Variants in UVSSA observed in about 807,000 individuals in gnomAD.
The protein encoded by UVSSA is UV-stimulated scaffold protein A.
UVSSA carries 72 observed loss-of-function variants against 73.9 expected under a neutral mutation model. The observed-to-expected ratio is 0.97, with a 90% confidence interval of 0.81 to 1.19. The LOEUF is 1.19. Ranked by LOEUF, UVSSA falls within the 50% of genes most tolerant of loss-of-function variation. The pLI, the probability that UVSSA is intolerant of heterozygous loss-of-function variation, is 0.00. For missense variants in UVSSA, 1,150 were observed against 965.0 expected (o/e 1.19, Z -2.54); for synonymous variants, 454 against 391.3 (o/e 1.16, Z -1.89).
chr4:1,381,216 T>A (rs1560485208), intron 12 of UVSSA, among the ~76,000 whole-genome samples: 1 of 152,206 alleles, frequency 6.6e-6, no homozygotes, highest in Non-Finnish European at 1.5e-5. Context: ...CACGTGTTCA[T>A]GAGGCCCTGA....
At chr4:1,379,407 C>A (rs1179103710) in intron 10 of UVSSA, among the ~76,000 whole-genome samples, 1 of 152,244 alleles carries the variant, frequency 6.6e-6, no homozygotes, top group Non-Finnish European at 1.5e-5. Context: ...CCAGCCCCCC[C>A]ATCCCATGGC....
intron 8 of UVSSA, among the ~76,000 whole-genome samples, 155 bp downstream of exon 8, chr4:1,366,586 G>T (rs1354513006): frequency 6.6e-6 from 1 of 152,176 alleles, no homozygotes; most frequent in Non-Finnish European, 1.5e-5. Flanking sequence ...GCTCACGGTC[G>T]TAGCCACGAG....
At chr4:1,379,744 G>A (rs116258493) in intron 10 of UVSSA, among the ~76,000 whole-genome samples, 5 of 148,750 alleles carry the variant, frequency 3.4e-5, no homozygotes, top group Non-Finnish European at 7.4e-5. Context: ...GCCCGTGGTC[G>A]CGCGGCTGGT....
At chr4:1,373,344 G>A (rs1718367657) in intron 8 of UVSSA, among the ~76,000 whole-genome samples, 2 of 152,134 alleles carry the variant, frequency 1.3e-5, no homozygotes, top group Admixed American at 6.6e-5. Context: ...ATGTAGGCTG[G>A]GAGGCGAGGC....
intron 10 of UVSSA, among the ~76,000 whole-genome samples, 195 bp downstream of exon 10, chr4:1,376,363 A>G (rs991622301): frequency 6.6e-6 from 1 of 152,170 alleles, no homozygotes; most frequent in African/African-American, 2.4e-5. Flanking sequence ...GAGCCCAGAA[A>G]GGCTTTTTTG....
intron 2 of UVSSA, 108 bp downstream of exon 2, chr4:1,348,297 C>T: frequency 1.2e-6 from 1 of 817,072 alleles, no homozygotes; most frequent in Admixed American, 2.2e-5. Flanking sequence ...CCGAGGGACA[C>T]ACCCAGGACA....
chr4:1,375,627 C>G (rs1577360748), intron 9 of UVSSA, 119 bp downstream of exon 9: 1 of 1,462,794 alleles, frequency 6.8e-7, no homozygotes. Flanking sequence ...TTGGTGGAAG[C>G]CTTGGGTGTG....
chr4:1,365,264 A>G (rs2109190017), intron 7 of UVSSA, among the ~76,000 whole-genome samples: 1 of 152,346 alleles, frequency 6.6e-6, no homozygotes, highest in South Asian at 2.1e-4. Flanking sequence ...CCCGCAAGAC[A>G]GCTTGGCGTT....
exon 14 of UVSSA, chr4:1,394,347 T>A: frequency 1.6e-6 from 2 of 1,249,728 alleles, no homozygotes; most frequent in African/African-American, 3.0e-5. Flanking sequence ...TCTTCCCCCT[T>A]AAAGATTATA....
Position 1,372,831 on chromosome 4 carries a change from G to A in UVSSA, c.1289-2533G>A, listed in dbSNP as rs1296408236. Among the ~76,000 whole-genome samples the A allele has an allele frequency of 5.5e-5, 2 of 36,532 alleles. 1 individual carries two copies. Among genetic ancestry groups the A allele is most frequent in the African/African-American group, 3.6e-4 (2 of 5,516 alleles). 24.0% of individuals were successfully genotyped at this position (36,532 alleles called of 152,430 possible). On this transcript the variant is annotated intron_variant, in intron 8 of 13. Coordinates refer to ENST00000389851, the MANE Select transcript of UVSSA (RefSeq NM_020894.4). ...CCGCGTCTCAGGGCACTCACCTCCCGCGTCTCAGGGCACTCACCTCCCGCG... is the reference window on the plus strand; with the variant it reads ...CCGCGTCTCAGGGCACTCACCTCCCACGTCTCAGGGCACTCACCTCCCGCG...
At chr4:1,364,552 A>G (rs1182488297) in intron 7 of UVSSA, among the ~76,000 whole-genome samples, 1 of 152,208 alleles carries the variant, frequency 6.6e-6, no homozygotes, top group Non-Finnish European at 1.5e-5. Flanking sequence ...TGCTGCTGGG[A>G]ATGCTTTTTA....
At position 1,385,864 on chromosome 4, in the gene UVSSA, ACAG is replaced by A. The variant is rs748763274; in HGVS notation, c.2037-3_2037-1del. On this transcript the variant is annotated splice_acceptor_variant and splice_polypyrimidine_tract_variant and intron_variant, in intron 13 of 13. Transcript: ENST00000389851. LOFTEE classifies it high-confidence loss of function. ...AGGTCACATCTTGCCTTGTTTCCCC[ACAG>A]GGCAGCTGTGCGGAGGGTAGTGGCA... 6.8e-6 allele frequency: 11 copies of A among 1,613,858 alleles called. No individual in the cohort carries two copies. The highest frequency in any genetic ancestry group is 9.3e-6 in the Non-Finnish European group (11 of 1,180,000).
At chr4:1,381,972 T>C (rs1225728984) in intron 12 of UVSSA, among the ~76,000 whole-genome samples, 1 of 152,238 alleles carries the variant, frequency 6.6e-6, no homozygotes, top group African/African-American at 2.4e-5. Context: ...CGGTCCCTTC[T>C]GGAGAGTGGC....
chr4:1,394,130 G>A, exon 14 of UVSSA: 2 of 362,174 alleles, frequency 5.5e-6, no homozygotes, highest in Non-Finnish European at 1.0e-5. Context: ...CCAGCCAGAG[G>A]TGAGGGCCAG....
intron 11 of UVSSA, chr4:1,380,572 G>C: frequency 3.0e-6 from 4 of 1,348,148 alleles, no homozygotes; most frequent in East Asian, 2.8e-5. Flanking sequence ...GGCCAGGGCA[G>C]CTCCCAGCCG....
rs955943654 is a variant in UVSSA at position 1,377,851 on chromosome 4, G to A, written c.1568+1683G>A. ...CCCCAACTGCCTGCACACTGCTGTG[G>A]TCGGCTTGATGGAGTTGCAGCCTAC... On this transcript the variant is annotated intron_variant, in intron 10 of 13. Transcript: ENST00000389851. 2.0e-5 allele frequency among the ~76,000 whole-genome samples: 3 copies of A among 152,384 alleles called. No homozygotes were observed. In the East Asian group the frequency reaches 5.8e-4, roughly 29 times the overall value.
Position 1,364,011 on chromosome 4 carries a change from C to T in UVSSA, c.1177-2309C>T, listed in dbSNP as rs535869306. 7.0e-5 allele frequency among the ~76,000 whole-genome samples: 8 copies of T among 114,974 alleles called. No homozygotes were observed. The South Asian group carries it at 2.8e-3, about 40-fold the overall frequency. 75.4% of individuals were successfully genotyped at this position (114,974 alleles called of 152,430 possible). A position where few individuals can be genotyped will look rare whatever the true frequency, so the allele number is the denominator to read the frequency against. ...GTGTGGCCTGGCTCCGTGGGGGCCACCTCCCGGCAGGGTGCTGGTGCCCGG... is the reference window on the plus strand; with the variant it reads ...GTGTGGCCTGGCTCCGTGGGGGCCATCTCCCGGCAGGGTGCTGGTGCCCGG... On this transcript the variant is annotated intron_variant, in intron 7 of 13. Transcript: ENST00000389851.
intron 7 of UVSSA, among the ~76,000 whole-genome samples, chr4:1,359,626 TTTG>T (rs1716334006): frequency 6.6e-6 from 1 of 152,164 alleles, no homozygotes; most frequent in South Asian, 2.1e-4. Context: ...CGGGTTTGTT[TTTG>T]TTCTCGCCGA....
chr4:1,354,604 C>T (rs570060870), intron 5 of UVSSA, 131 bp from the exon 6 acceptor site: 9 of 707,188 alleles, frequency 1.3e-5, no homozygotes, highest in Admixed American at 4.8e-5. Flanking sequence ...TTGGGATTCC[C>T]GGGGGCAGGC....
Sources: gnomAD v4.1 joint callset for allele counts (sites outside exome capture counted in the v4.1 genomes callset) on GRCh38, gnomAD v4.1.1 for gene constraint, MANE v1.5 for transcripts, NCBI Gene and HGNC (gene_info 2026-07-23, HGNC 2026-07-21) for gene names.